Variants in CDH13 observed in about 807,000 individuals in gnomAD.
The protein encoded by CDH13 is cadherin 13.
Under a neutral mutation model 63.8 loss-of-function variants are expected in CDH13, and 24 were observed. That is an observed-to-expected ratio of 0.38 (90% CI 0.27 to 0.53). CDH13 has a LOEUF of 0.53. Ranked by LOEUF, CDH13 falls within the 20% of genes least tolerant of loss-of-function variation. The probability of loss-of-function intolerance (pLI) is 0.85; values close to 1 mark genes in which losing one functional copy is unlikely to be tolerated. For missense variants in CDH13, 1,049 were observed against 903.1 expected (o/e 1.16, Z -2.07); for synonymous variants, 503 against 355.3 (o/e 1.42, Z -4.67).
chr16:83,354,990 C>T (rs2151379224), intron 6 of CDH13, among the ~76,000 whole-genome samples: 1 of 152,300 alleles, frequency 6.6e-6, no homozygotes, highest in South Asian at 2.1e-4. Context: ...AATACCTGAT[C>T]CTCTGCAAAT....
At chr16:82,714,093 C>G (rs2032172446) in intron 1 of CDH13, among the ~76,000 whole-genome samples, 1 of 152,204 alleles carries the variant, frequency 6.6e-6, no homozygotes, top group East Asian at 1.9e-4. Context: ...GCCACTGTAC[C>G]TGAACAAGTG....
At chr16:82,996,978 A>G (rs1438326992) in intron 2 of CDH13, among the ~76,000 whole-genome samples, 3 of 151,190 alleles carry the variant, frequency 2.0e-5, no homozygotes, top group Non-Finnish European at 4.4e-5. Context: ...GGTAATGATG[A>G]TGGTGATGGT....
At chr16:83,242,334 A>G (rs370646920) in intron 5 of CDH13, among the ~76,000 whole-genome samples, 163 of 152,320 alleles carry the variant, frequency 1.1e-3, no homozygotes, top group African/African-American at 3.6e-3. Flanking sequence ...TGAGGTGGCA[A>G]TGACTGAGAG....
intron 4 of CDH13, among the ~76,000 whole-genome samples, chr16:83,206,195 C>G (rs939303505): frequency 1.1e-4 from 16 of 152,288 alleles, no homozygotes; most frequent in African/African-American, 3.6e-4. Context: ...TTCTTAATAT[C>G]ACAACCATCT....
intron 4 of CDH13, among the ~76,000 whole-genome samples, chr16:83,140,275 C>T (rs2036473317): frequency 6.6e-6 from 1 of 152,176 alleles, no homozygotes. Context: ...ACATGACCAT[C>T]TTGTGCTCAT....
intron 7 of CDH13, among the ~76,000 whole-genome samples, chr16:83,517,831 G>A (rs761264262): frequency 5.9e-5 from 9 of 152,150 alleles, no homozygotes; most frequent in Non-Finnish European, 1.2e-4. Flanking sequence ...TAGAATACAC[G>A]TGGCACTCTC....
chr16:83,663,676 G>T (rs1180435900), intron 8 of CDH13, among the ~76,000 whole-genome samples: 1 of 152,150 alleles, frequency 6.6e-6, no homozygotes, highest in African/African-American at 2.4e-5. Flanking sequence ...GCCCCAGGTT[G>T]TCTGTGTTTG....
At chr16:83,096,027 G>T (rs1048016357) in intron 3 of CDH13, among the ~76,000 whole-genome samples, 9 of 152,270 alleles carry the variant, frequency 5.9e-5, no homozygotes, top group Non-Finnish European at 1.3e-4. Flanking sequence ...CAAAGGTCCA[G>T]GAAGAGGGTG....
rs2032018405 is a variant in CDH13 at position 82,712,409 on chromosome 16, A to G, written c.45+85272A>G. Among the ~76,000 whole-genome samples, 2 of 152,306 alleles carry G rather than the reference A, an allele frequency of 1.3e-5. 1 individual carries two copies. The highest frequency in any genetic ancestry group is 1.3e-4 in the Admixed American group (2 of 15,298). ...TGTAGCTACCATTCATACTGCCTCTATGTAAATGAAAGGGAGGCATAATAT... is the reference window on the plus strand; with the variant it reads ...TGTAGCTACCATTCATACTGCCTCTGTGTAAATGAAAGGGAGGCATAATAT... On this transcript the variant is annotated intron_variant, in intron 1 of 13. Coordinates refer to ENST00000567109, the MANE Select transcript of CDH13 (RefSeq NM_001257.5).
At chr16:82,958,916 A>C (rs1242553010) in intron 2 of CDH13, among the ~76,000 whole-genome samples, 2 of 152,248 alleles carry the variant, frequency 1.3e-5, no homozygotes, top group Non-Finnish European at 2.9e-5. Flanking sequence ...GTTATGAACG[A>C]ATGAAATCTA....
At chr16:83,095,021 A>C (rs2034125194) in intron 3 of CDH13, among the ~76,000 whole-genome samples, 1 of 152,200 alleles carries the variant, frequency 6.6e-6, no homozygotes, top group African/African-American at 2.4e-5. Flanking sequence ...TCTGCAGTGC[A>C]TTTCTTCTTC....
intron 8 of CDH13, among the ~76,000 whole-genome samples, chr16:83,650,835 G>T (rs1033571975): frequency 6.6e-6 from 1 of 152,118 alleles, no homozygotes; most frequent in South Asian, 2.1e-4. Context: ...CATTTTAGGC[G>T]GCTGAGGCTG....
At chr16:83,083,945 A>G (rs2033421270) in intron 3 of CDH13, among the ~76,000 whole-genome samples, 1 of 152,232 alleles carries the variant, frequency 6.6e-6, no homozygotes, top group Non-Finnish European at 1.5e-5. Context: ...TATCTCGTTA[A>G]TAACCCTTTA....
At chr16:83,459,663 T>G (rs2073124907) in intron 6 of CDH13, among the ~76,000 whole-genome samples, 1 of 152,172 alleles carries the variant, frequency 6.6e-6, no homozygotes, top group Admixed American at 6.5e-5. Flanking sequence ...TTTTGGAAAT[T>G]TTGATGGTTT....
chr16:83,373,461 A>G (rs2091408306), intron 6 of CDH13, among the ~76,000 whole-genome samples: 1 of 152,140 alleles, frequency 6.6e-6, no homozygotes, highest in South Asian at 2.1e-4. Flanking sequence ...TTCCGGAAGA[A>G]GGAACCTATG....
chr16:82,759,197 C>G (rs1406701346), intron 1 of CDH13, among the ~76,000 whole-genome samples: 1 of 152,188 alleles, frequency 6.6e-6, no homozygotes, highest in African/African-American at 2.4e-5. Context: ...AGTGTCCCCA[C>G]TGGGAGTGAG....
At chr16:83,183,498 T>C (rs1443084124) in intron 4 of CDH13, among the ~76,000 whole-genome samples, 1 of 152,270 alleles carries the variant, frequency 6.6e-6, no homozygotes, top group Non-Finnish European at 1.5e-5. Context: ...CCAAGTCCTT[T>C]AGAAAAATCC....
chr16:83,681,058 G>T (rs1915362809), intron 10 of CDH13, among the ~76,000 whole-genome samples: 1 of 151,902 alleles, frequency 6.6e-6, no homozygotes, highest in African/African-American at 2.4e-5. Context: ...CAAGGCCCAG[G>T]TTGAGTCACA....
At chr16:82,989,119 C>A (rs947962199) in intron 2 of CDH13, among the ~76,000 whole-genome samples, 2 of 152,130 alleles carry the variant, frequency 1.3e-5, no homozygotes, top group Admixed American at 1.3e-4. Context: ...ATGTACAAAG[C>A]AGACAAAGGG....
Sources: allele counts gnomAD v4.1 joint callset (sites outside exome capture counted in the v4.1 genomes callset), GRCh38; gene constraint gnomAD v4.1.1; transcripts MANE v1.5; gene names NCBI Gene and HGNC (gene_info 2026-07-23, HGNC 2026-07-21).